LOC400499: variants seen among roughly 807,000 people sequenced by gnomAD.
chr16:11,475,758 T>A, the LOC400499 span: 2 of 398,404 alleles, frequency 5.0e-6, no homozygotes, highest in Non-Finnish European at 8.9e-6. Context: ...TCATTTTCAT[T>A]CATTCATTAG....
the LOC400499 span, among the ~76,000 whole-genome samples, chr16:11,375,415 G>T: frequency 1.4e-5 from 2 of 139,850 alleles, no homozygotes; most frequent in Admixed American, 7.1e-5. Flanking sequence ...CCGTGTTCAA[G>T]CAATTCTCCT....
At chr16:11,426,595 G>A in the LOC400499 span, among the ~76,000 whole-genome samples, 1 of 151,302 alleles carries the variant, frequency 6.6e-6, no homozygotes, top group African/African-American at 2.4e-5. Flanking sequence ...GTATTTCTTA[G>A]CTACTGCAAT....
At chr16:11,408,528 G>C in the LOC400499 span, among the ~76,000 whole-genome samples, 5 of 148,038 alleles carry the variant, frequency 3.4e-5, no homozygotes, top group African/African-American at 5.0e-5. Flanking sequence ...GCAGTGGTGT[G>C]AACACAGCTT....
chr16:11,411,006 C>G, the LOC400499 span, among the ~76,000 whole-genome samples: 1 of 152,262 alleles, frequency 6.6e-6, no homozygotes, highest in East Asian at 1.9e-4. Context: ...GAGGCCTCCC[C>G]CATCTCCCAA....
At chr16:11,471,597 G>A in the LOC400499 span, 2 of 398,814 alleles carry the variant, frequency 5.0e-6, no homozygotes, top group African/African-American at 4.1e-5. Flanking sequence ...GCCCAGGGCT[G>A]ACCTAAGGAG....
At chr16:11,399,119 C>G in the LOC400499 span, 1 of 668,468 alleles carries the variant, frequency 1.5e-6, no homozygotes. Context: ...GGAGCCCTAT[C>G]AGGTAATGAT....
At chr16:11,373,479 G>T in the LOC400499 span, among the ~76,000 whole-genome samples, 6 of 151,754 alleles carry the variant, frequency 4.0e-5, no homozygotes, top group African/African-American at 1.5e-4. Context: ...GATTACATGC[G>T]CCTGCCACCA....
At chr16:11,486,520 C>A in the LOC400499 span, among the ~76,000 whole-genome samples, 3 of 115,548 alleles carry the variant, frequency 2.6e-5, no homozygotes, top group Admixed American at 3.1e-4. Context: ...TGAATGATGG[C>A]TGGATAGATG....
chr16:11,442,605 T>C, the LOC400499 span: 2 of 152,226 alleles, frequency 1.3e-5, no homozygotes, highest in African/African-American at 2.4e-5. Context: ...CCTGTTGTTG[T>C]CAGCTGGGAT....
At chr16:11,395,548 G>A in the LOC400499 span, among the ~76,000 whole-genome samples, 3 of 152,168 alleles carry the variant, frequency 2.0e-5, no homozygotes, top group Non-Finnish European at 2.9e-5. Flanking sequence ...AAATGGCCAC[G>A]GCTGCTGAAC....
the LOC400499 span, among the ~76,000 whole-genome samples, chr16:11,511,657 T>G: frequency 2.0e-5 from 3 of 152,182 alleles, no homozygotes; most frequent in African/African-American, 7.2e-5. Context: ...CAGAAAGTAG[T>G]TGAGTGGCTG....
the LOC400499 span, among the ~76,000 whole-genome samples, chr16:11,502,917 CTTT>C: frequency 2.0e-5 from 2 of 98,018 alleles, no homozygotes; most frequent in Admixed American, 1.5e-4. Context: ...CCTGGACCAC[CTTT>C]TTTTTTTTTT....
chr16:11,395,765 A>G, the LOC400499 span, among the ~76,000 whole-genome samples: 1 of 152,244 alleles, frequency 6.6e-6, no homozygotes, highest in African/African-American at 2.4e-5. Context: ...TCACCTGGCC[A>G]GGGAGACAGA....
the LOC400499 span, among the ~76,000 whole-genome samples, chr16:11,506,977 C>T: frequency 2.0e-5 from 3 of 152,188 alleles, no homozygotes; most frequent in Admixed American, 6.5e-5. Flanking sequence ...GGGACCTCCA[C>T]GGTGGCAGTA....
chr16:11,402,310 A>C, the LOC400499 span: 3 of 396,266 alleles, frequency 7.6e-6, no homozygotes, highest in Non-Finnish European at 1.3e-5. Context: ...TTTTCACAAA[A>C]CTCAGAAGCT....
chr16:11,453,522 C>G, the LOC400499 span, among the ~76,000 whole-genome samples: 1 of 152,064 alleles, frequency 6.6e-6, no homozygotes, highest in Non-Finnish European at 1.5e-5. Context: ...ATTCATGGAA[C>G]AGGACGCTGT....
the LOC400499 span, among the ~76,000 whole-genome samples, chr16:11,406,354 G>A: frequency 5.9e-5 from 9 of 152,210 alleles, no homozygotes; most frequent in African/African-American, 1.9e-4. Context: ...TCTTTTTTCC[G>A]GCTGTGTAAT....
At chr16:11,524,038 G>T in the LOC400499 span, among the ~76,000 whole-genome samples, 7 of 39,766 alleles carry the variant, frequency 1.8e-4, no homozygotes, top group Admixed American at 3.2e-4. Flanking sequence ...CCCCTCCTAC[G>T]CATCCATTCA....
At chr16:11,490,755 C>T in the LOC400499 span, among the ~76,000 whole-genome samples, 1 of 152,128 alleles carries the variant, frequency 6.6e-6, no homozygotes, top group African/African-American at 2.4e-5. Context: ...AGAACATGAT[C>T]CTGAGAGGCT....
Sources: allele counts gnomAD v4.1 joint callset (sites outside exome capture counted in the v4.1 genomes callset), GRCh38; gene constraint gnomAD v4.1.1; transcripts MANE v1.5.